The following MSRB3 variants were observed in gnomAD, a reference collection of about 807,000 sequenced individuals.
MSRB3 encodes methionine sulfoxide reductase B3.
A neutral mutation model predicts 21.0 loss-of-function variants in MSRB3; 13 were observed. That is an observed-to-expected ratio of 0.62 (90% CI 0.40 to 0.98). MSRB3 has a LOEUF of 0.98. Among genes scored for constraint, MSRB3 ranks in the 50% least tolerant of loss-of-function variants. MSRB3 has a pLI of 0.00. For synonymous variants in MSRB3, 87 were observed against 88.6 expected (o/e 0.98, Z 0.10); for missense variants, 199 against 230.3 (o/e 0.86, Z 0.88).
At chr12:65,428,561 C>G (rs546917738) in intron 5 of MSRB3, among the ~76,000 whole-genome samples, 1 of 152,064 alleles carries the variant, frequency 6.6e-6, no homozygotes, top group African/African-American at 2.4e-5. Flanking sequence ...TCAGGCCCTT[C>G]CTTAATTAAG....
At chr12:65,452,347 A>G (rs1882893150) in intron 5 of MSRB3, among the ~76,000 whole-genome samples, 1 of 152,190 alleles carries the variant, frequency 6.6e-6, no homozygotes, top group African/African-American at 2.4e-5. Flanking sequence ...ACCTGTTTTC[A>G]CTAGCAATTG....
At chr12:65,453,666 T>G (rs1882957795) in intron 5 of MSRB3, 62 bp from the exon 6 acceptor site, 3 of 1,248,762 alleles carry the variant, frequency 2.4e-6, no homozygotes, top group Non-Finnish European at 3.5e-6. Flanking sequence ...TTAAAATGCA[T>G]TCTAACCCAA....
chr12:65,393,612 T>G, intron 5 of MSRB3, among the ~76,000 whole-genome samples: 1 of 142,910 alleles, frequency 7.0e-6, no homozygotes, highest in African/African-American at 2.6e-5. Context: ...GCCTGGGCAG[T>G]AGAGCGAGAC....
intron 6 of MSRB3, among the ~76,000 whole-genome samples, chr12:65,461,788 C>T (rs1227216775): frequency 2.0e-5 from 3 of 152,148 alleles, no homozygotes; most frequent in Non-Finnish European, 2.9e-5. Flanking sequence ...ATTAACAAAT[C>T]ATTGATATGC....
intron 1 of MSRB3, chr12:65,279,275 G>C (rs1348115656): frequency 5.8e-6 from 1 of 171,360 alleles, no homozygotes; most frequent in Non-Finnish European, 1.2e-5. Flanking sequence ...CGACCCTGCC[G>C]GGGTTGCCGC....
intron 4 of MSRB3, among the ~76,000 whole-genome samples, chr12:65,359,016 A>G (rs981389592): frequency 4.0e-5 from 6 of 151,706 alleles, no homozygotes; most frequent in Admixed American, 2.6e-4. Flanking sequence ...TTATTAACTA[A>G]TGATTTTTAA....
chr12:65,342,193 G>A (rs145113697), intron 4 of MSRB3, among the ~76,000 whole-genome samples: 1 of 150,100 alleles, frequency 6.7e-6, no homozygotes, highest in Admixed American at 6.6e-5. Context: ...AAACACCATA[G>A]AGTATATTAT....
chr12:65,391,885 C>T (rs2136579508), intron 5 of MSRB3, among the ~76,000 whole-genome samples: 1 of 152,148 alleles, frequency 6.6e-6, no homozygotes, highest in Non-Finnish European at 1.5e-5. Context: ...GGGAGAGTGT[C>T]CCAGGAATCC....
At chr12:65,425,034 GTTTTATATGTATA>G (rs1881510911) in intron 5 of MSRB3, among the ~76,000 whole-genome samples, 1 of 17,508 alleles carries the variant, frequency 5.7e-5, no homozygotes, top group Non-Finnish European at 1.3e-4. Context: ...TCTGGTTTTG[GTTTTATATGTATA>G]TTATATATAT....
At chr12:65,409,193 C>T (rs1294974689) in intron 5 of MSRB3, among the ~76,000 whole-genome samples, 2 of 150,762 alleles carry the variant, frequency 1.3e-5, no homozygotes, top group East Asian at 1.9e-4. Flanking sequence ...TGTGTATATA[C>T]ACACACACAC....
At chr12:65,400,461 T>C (rs1359237942) in intron 5 of MSRB3, among the ~76,000 whole-genome samples, 1 of 152,164 alleles carries the variant, frequency 6.6e-6, no homozygotes, top group Non-Finnish European at 1.5e-5. Context: ...TGATATCCCC[T>C]TTATCATTTT....
At chr12:65,396,339 T>C (rs551725798) in intron 5 of MSRB3, among the ~76,000 whole-genome samples, 1 of 152,366 alleles carries the variant, frequency 6.6e-6, no homozygotes, top group East Asian at 1.9e-4. Context: ...ATTTCTATAA[T>C]TATGCTGTTG....
intron 5 of MSRB3, among the ~76,000 whole-genome samples, chr12:65,375,216 A>G (rs1173598674): frequency 3.3e-5 from 5 of 152,114 alleles, no homozygotes; most frequent in Non-Finnish European, 7.4e-5. Flanking sequence ...TTCTAAACTA[A>G]CTTGACCAGG....
Position 65,370,735 on chromosome 12 carries a change from A to AT in MSRB3, c.292+1717dup, listed in dbSNP as rs200028374. Among the ~76,000 whole-genome samples, 898 of 152,020 alleles carry AT rather than the reference A, an allele frequency of 5.9e-3. 7 individuals carry two copies. Among genetic ancestry groups the AT allele is most frequent in the Non-Finnish European group, 0.01 (686 of 67,960 alleles). On this transcript the variant is annotated intron_variant, in intron 5 of 6. Coordinates refer to ENST00000308259, the MANE Select transcript of MSRB3 (RefSeq NM_001031679.3). ...TGACCAAAGATTTTATGCATGACTT[A>AT]TTTTTTTTCAAGTTCTTATTTAAAA... is the stretch of plus-strand genomic sequence containing the variant.
intron 4 of MSRB3, among the ~76,000 whole-genome samples, chr12:65,364,071 T>A (rs1225301101): frequency 6.6e-6 from 1 of 152,184 alleles, no homozygotes; most frequent in Non-Finnish European, 1.5e-5. Flanking sequence ...TTTACTATTC[T>A]AATATCAGTT....
intron 5 of MSRB3, among the ~76,000 whole-genome samples, chr12:65,452,785 C>T (rs757345126): frequency 3.3e-5 from 5 of 152,056 alleles, no homozygotes; most frequent in East Asian, 1.9e-4. Flanking sequence ...AGGTTCTTAA[C>T]GGGCTTCTTC....
intron 4 of MSRB3, among the ~76,000 whole-genome samples, chr12:65,355,534 A>G (rs1174979040): frequency 6.6e-6 from 1 of 151,820 alleles, no homozygotes; most frequent in Non-Finnish European, 1.5e-5. Flanking sequence ...ACTTTTGTTC[A>G]TTCATGTCTT....
chr12:65,361,414 G>T (rs961308259), intron 4 of MSRB3, among the ~76,000 whole-genome samples: 1 of 152,078 alleles, frequency 6.6e-6, no homozygotes, highest in African/African-American at 2.4e-5. Context: ...CAACTGTTAC[G>T]TGAATATGGA....
chr12:65,384,459 A>G (rs1020996201), intron 5 of MSRB3, among the ~76,000 whole-genome samples: 5 of 152,168 alleles, frequency 3.3e-5, no homozygotes, highest in African/African-American at 1.2e-4. Context: ...AAATGTTTTA[A>G]TCTGTTTCAA....
Sources: allele counts gnomAD v4.1 joint callset (sites outside exome capture counted in the v4.1 genomes callset), GRCh38; gene constraint gnomAD v4.1.1; transcripts MANE v1.5; gene names NCBI Gene and HGNC (gene_info 2026-07-23, HGNC 2026-07-21).